Variants in DENND1A observed in about 807,000 individuals in gnomAD.
DENND1A encodes the protein DENN domain-containing protein 1A.
Under a neutral mutation model 113.7 loss-of-function variants are expected in DENND1A, and 51 were observed. The observed-to-expected ratio is 0.45, with a 90% CI of 0.36 to 0.57. The LOEUF is 0.57. DENND1A is among the 20% of genes least tolerant of loss of function. The probability of loss-of-function intolerance (pLI) is 0.00; values close to 1 mark genes in which losing one functional copy is unlikely to be tolerated. For synonymous variants in DENND1A, 565 were observed against 570.8 expected (o/e 0.99, Z 0.14); for missense variants, 1,258 against 1,395.9 (o/e 0.90, Z 1.57).
chr9:123,890,826 C>T (rs949814082), intron 1 of DENND1A, among the ~76,000 whole-genome samples: 1 of 152,118 alleles, frequency 6.6e-6, no homozygotes, highest in Admixed American at 6.5e-5. Flanking sequence ...CAACTTTATA[C>T]CTCCAACATA....
intron 1 of DENND1A, among the ~76,000 whole-genome samples, chr9:123,922,079 C>A (rs1271722160): frequency 6.6e-6 from 1 of 151,988 alleles, no homozygotes; most frequent in Non-Finnish European, 1.5e-5. Context: ...ACCACAGATA[C>A]ATGCCACCAC....
chr9:123,929,053 T>TA (rs1857569943), intron 1 of DENND1A, among the ~76,000 whole-genome samples: 3 of 152,156 alleles, frequency 2.0e-5, no homozygotes, highest in East Asian at 1.9e-4. Flanking sequence ...GGAGGGGAGA[T>TA]AGAGTCGAAA....
intron 7 of DENND1A, among the ~76,000 whole-genome samples, chr9:123,667,666 A>C (rs186128733): frequency 5.3e-5 from 8 of 152,192 alleles, no homozygotes; most frequent in Non-Finnish European, 1.0e-4. Flanking sequence ...TAAACACATG[A>C]AAAAGGCGTT....
At chr9:123,409,992 T>C (rs1424119273) in intron 20 of DENND1A, among the ~76,000 whole-genome samples, 2 of 152,166 alleles carry the variant, frequency 1.3e-5, no homozygotes, top group South Asian at 2.1e-4. Context: ...CTCAGGAGGC[T>C]GAGGCAGGAA....
chr9:123,557,660 G>A lies in DENND1A; in HGVS notation c.903C>T (p.Ser301=). The A allele has an allele frequency of 6.2e-7, 1 of 1,614,100 alleles. No individual in the cohort carries two copies. The highest frequency in any genetic ancestry group is 8.5e-7 in the Non-Finnish European group (1 of 1,179,986). The change falls in exon 13 of 24, where the codon TCC becomes TCT. Residue 301 remains serine, a synonymous_variant. Transcript: ENST00000394215. ...SSLKNRLKKV[S]TTTGDGVARA... ...TGGCCACACCATCCCCAGTGGTTGT[G>A]GAGACCTTTTTCAGCCTGTTCTTCA... is the stretch of plus-strand genomic sequence containing the variant.
chr9:123,638,171 T>C (rs1423485086), intron 9 of DENND1A, among the ~76,000 whole-genome samples: 1 of 152,090 alleles, frequency 6.6e-6, no homozygotes, highest in Admixed American at 6.5e-5. Flanking sequence ...GATTTGACAC[T>C]TTAAAACATC....
intron 5 of DENND1A, among the ~76,000 whole-genome samples, chr9:123,745,238 A>G (rs768299926): frequency 1.8e-4 from 27 of 152,136 alleles, no homozygotes; most frequent in Non-Finnish European, 3.1e-4. Context: ...CCACCGTGTA[A>G]CTCATTTTAC....
At chr9:123,761,104 T>C (rs960607270) in intron 4 of DENND1A, among the ~76,000 whole-genome samples, 3 of 152,234 alleles carry the variant, frequency 2.0e-5, no homozygotes, top group African/African-American at 4.8e-5. Context: ...TTGTGTGTCA[T>C]TAATTTCCTA....
intron 2 of DENND1A, among the ~76,000 whole-genome samples, chr9:123,805,391 T>A (rs1162626049): frequency 6.6e-6 from 1 of 152,098 alleles, no homozygotes; most frequent in Non-Finnish European, 1.5e-5. Context: ...GCAAAATTTA[T>A]ATTTCATATA....
At chr9:123,596,818 C>T (rs1030888438) in intron 11 of DENND1A, among the ~76,000 whole-genome samples, 19 of 152,212 alleles carry the variant, frequency 1.2e-4, no homozygotes, top group Admixed American at 3.3e-4. Context: ...TGTTTGAATC[C>T]TGCTCCTCCT....
chr9:123,694,676 C>T (rs1489544267), intron 5 of DENND1A, among the ~76,000 whole-genome samples: 1 of 151,848 alleles, frequency 6.6e-6, no homozygotes, highest in African/African-American at 2.4e-5. Flanking sequence ...TGTCCTAAAA[C>T]ATCAAAATCT....
rs112173215 is a variant in DENND1A at position 123,593,615 on chromosome 9, A to C, written c.766-10345T>G. On this transcript the variant is annotated intron_variant, in intron 11 of 23. Coordinates refer to ENST00000394215, the MANE Select transcript of DENND1A (RefSeq NM_001352964.2). ...TTGATGTGGCTCCTGACATTATACT[A>C]TATGTCCCCTGTAAGTATGACTTCT... Among the ~76,000 whole-genome samples, 5 of 152,264 alleles carry C rather than the reference A, an allele frequency of 3.3e-5. 1 individual carries two copies. The highest frequency in any genetic ancestry group is 1.2e-4 in the African/African-American group (5 of 41,548).
chr9:123,722,724 A>G (rs1206487006), intron 5 of DENND1A, among the ~76,000 whole-genome samples: 1 of 152,236 alleles, frequency 6.6e-6, no homozygotes, highest in African/African-American at 2.4e-5. Flanking sequence ...AGAGAAGTCA[A>G]GAATTGAGGT....
chr9:123,829,077 C>G (rs753223805), intron 2 of DENND1A, among the ~76,000 whole-genome samples: 1 of 152,142 alleles, frequency 6.6e-6, no homozygotes, highest in African/African-American at 2.4e-5. Flanking sequence ...CAAGAGATAG[C>G]TCAGTGAAGT....
intron 9 of DENND1A, among the ~76,000 whole-genome samples, chr9:123,650,908 A>G (rs13286081): frequency 2.5e-4 from 29 of 117,192 alleles, no homozygotes; most frequent in Non-Finnish European, 3.7e-4. Flanking sequence ...CTCTGTCTCA[A>G]AAAAAAAAAA....
chr9:123,579,936 T>C (rs1362840851), intron 12 of DENND1A, among the ~76,000 whole-genome samples: 3 of 152,168 alleles, frequency 2.0e-5, no homozygotes, highest in Non-Finnish European at 4.4e-5. Flanking sequence ...CTGTAGAACA[T>C]TCTCAACCCT....
intron 5 of DENND1A, among the ~76,000 whole-genome samples, chr9:123,677,769 C>T (rs1423766401): frequency 1.3e-5 from 2 of 152,186 alleles, no homozygotes; most frequent in South Asian, 2.1e-4. Context: ...AAATCTCCAT[C>T]GCACATTGTA....
At chr9:123,757,024 C>G (rs998395344) in intron 5 of DENND1A, among the ~76,000 whole-genome samples, 19 of 152,290 alleles carry the variant, frequency 1.2e-4, no homozygotes, top group South Asian at 4.1e-4. Flanking sequence ...TTACTTCCCC[C>G]TCAGGAGGAG....
chr9:123,735,543 C>T (rs769096559), intron 5 of DENND1A, among the ~76,000 whole-genome samples: 1 of 152,132 alleles, frequency 6.6e-6, no homozygotes, highest in Non-Finnish European at 1.5e-5. Flanking sequence ...TTCCTCAGGT[C>T]GTCCGTGACA....
Sources: gnomAD v4.1 joint callset for allele counts (sites outside exome capture counted in the v4.1 genomes callset) on GRCh38, gnomAD v4.1.1 for gene constraint, MANE v1.5 for transcripts, NCBI Gene and HGNC (gene_info 2026-07-23, HGNC 2026-07-21) for gene names.